The following KCNJ6 variants were observed in gnomAD, a reference collection of about 807,000 sequenced individuals.
The protein encoded by KCNJ6 is potassium inwardly rectifying channel subfamily J member 6, also known as G protein-activated inward rectifier potassium channel 2.
Under a neutral mutation model 34.2 loss-of-function variants are expected in KCNJ6, and 9 were observed. The observed-to-expected ratio is 0.26, with a 90% CI of 0.16 to 0.46. The LOEUF (loss-of-function observed/expected upper bound fraction) is 0.46. Among genes scored for constraint, KCNJ6 ranks in the 20% least tolerant of loss-of-function variants. The pLI is 1.00. For synonymous variants in KCNJ6, 196 were observed against 207.1 expected, an observed-to-expected ratio of 0.95 and a Z score of 0.46; for missense variants, 236 against 531.3, an observed-to-expected ratio of 0.44 and a Z score of 5.46.
chr21:37,846,709 T>C (rs941248059), intron 1 of KCNJ6, among the ~76,000 whole-genome samples: 2 of 152,166 alleles, frequency 1.3e-5, no homozygotes, highest in Non-Finnish European at 2.9e-5. Flanking sequence ...GTGATTTTTT[T>C]CCCAAAATAC....
chr21:37,659,344 C>G (rs1451116855), intron 3 of KCNJ6, among the ~76,000 whole-genome samples: 2 of 152,154 alleles, frequency 1.3e-5, no homozygotes. Context: ...AGGGTGAGCC[C>G]CATGTCTCAG....
chr21:37,719,328 T>G (rs1316024921), intron 2 of KCNJ6: 1 of 152,234 alleles, frequency 6.6e-6, no homozygotes. Flanking sequence ...TGACATTTCT[T>G]TCTTTCTCGG....
At chr21:37,646,039 C>T (rs1348271285) in intron 3 of KCNJ6, among the ~76,000 whole-genome samples, 2 of 152,176 alleles carry the variant, frequency 1.3e-5, no homozygotes, top group Non-Finnish European at 2.9e-5. Flanking sequence ...GAATGTGAGA[C>T]AAGCCTTCTG....
chr21:37,895,445 T>C lies in KCNJ6; in HGVS notation c.-28+20439A>G, dbSNP rs538248510. ...GAATAGAACCAGCTTTGTTTCTGGCTGAAGATGACATCCTTGCTTTAGTAA... is the reference window on the plus strand; with the variant it reads ...GAATAGAACCAGCTTTGTTTCTGGCCGAAGATGACATCCTTGCTTTAGTAA... On this transcript the variant is annotated intron_variant, in intron 1 of 3. Coordinates refer to ENST00000609713, the MANE Select transcript of KCNJ6 (RefSeq NM_002240.5). Among the ~76,000 whole-genome samples, 117 of 152,244 alleles carry C rather than the reference T, an allele frequency of 7.7e-4. 1 individual carries two copies. Among genetic ancestry groups the C allele is most frequent in the Non-Finnish European group, 1.5e-3 (105 of 68,046 alleles).
chr21:37,826,464 T>A (rs2123559242), intron 2 of KCNJ6, among the ~76,000 whole-genome samples: 1 of 152,318 alleles, frequency 6.6e-6, no homozygotes, highest in Admixed American at 6.5e-5. Context: ...TATTTCCTTA[T>A]GATAATTAAG....
chr21:37,823,469 CAT>C (rs1389826313), intron 2 of KCNJ6, among the ~76,000 whole-genome samples: 32 of 152,324 alleles, frequency 2.1e-4, no homozygotes, highest in African/African-American at 6.0e-4. Flanking sequence ...ATAATCCCCA[CAT>C]GTCAAGGGAG....
Position 37,714,261 on chromosome 21 carries a change from T to C in KCNJ6, c.896A>G (p.Lys299Arg), listed in dbSNP as rs1221424371. 3.1e-6 allele frequency: 5 copies of C among 1,614,030 alleles called. No individual in the cohort carries two copies. The highest frequency in any genetic ancestry group is 1.3e-5 in the African/African-American group (1 of 74,924). Residue 299 changes from lysine (K) to arginine (R), a missense_variant, in exon 3 of 4, where the codon AAA (lysine) becomes AGA (arginine). Physicochemically the swap from Lys to Arg is conservative, Grantham distance 26. Coordinates refer to ENST00000609713, the MANE Select transcript of KCNJ6 (RefSeq NM_002240.5). This position sits in a 1 kb window ranked among gnomAD's most constrained non-coding sequence, Gnocchi z 5.9. ...FWEISKAQLP[K>R]EELEIVVILE... ...GATGACCACAATTTCCAGTTCCTCTTTGGGCAGCTGGGCTTTGGAGATCTC... is the reference window on the plus strand; with the variant it reads ...GATGACCACAATTTCCAGTTCCTCTCTGGGCAGCTGGGCTTTGGAGATCTC...
chr21:37,908,183 C>T (rs987203174), intron 1 of KCNJ6, among the ~76,000 whole-genome samples: 4 of 152,224 alleles, frequency 2.6e-5, no homozygotes, highest in African/African-American at 9.6e-5. Flanking sequence ...TTATGGATCA[C>T]CACTCTGTTT....
intron 3 of KCNJ6, among the ~76,000 whole-genome samples, chr21:37,678,866 C>A (rs1787406): frequency 0.5 from 76,125 of 152,030 alleles, 19,090 homozygotes; most frequent in East Asian, 0.52. Flanking sequence ...GTTTAAAACA[C>A]AGGCACAAAA....
intron 1 of KCNJ6, among the ~76,000 whole-genome samples, chr21:37,848,603 T>C (rs528813714): frequency 6.6e-6 from 1 of 152,354 alleles, no homozygotes; most frequent in East Asian, 1.9e-4. Context: ...AGGGTCCTAA[T>C]ACACTGAGTT....
At chr21:37,809,029 A>G (rs1252890663) in intron 2 of KCNJ6, among the ~76,000 whole-genome samples, 2 of 152,236 alleles carry the variant, frequency 1.3e-5, no homozygotes, top group African/African-American at 2.4e-5. Flanking sequence ...TACTGGGTAT[A>G]TACCCAAAGG....
chr21:37,709,632 C>T lies in KCNJ6; in HGVS notation c.946+4579G>A, dbSNP rs147449062. Among the ~76,000 whole-genome samples, 502 of 152,274 alleles carry T rather than the reference C, an allele frequency of 3.3e-3. 1 individual carries two copies. Among genetic ancestry groups the T allele is most frequent in the African/African-American group, 0.011 (475 of 41,546 alleles). On this transcript the variant is annotated intron_variant, in intron 3 of 3. Transcript: ENST00000609713. The stretch of plus-strand genomic sequence containing the variant: ...CAAAGGGCACTGAACACAGAGTGCC[C>T]GACAACACCATTGGTGGCTGTGGCT...
Position 37,714,094 on chromosome 21 carries a change from A to T in KCNJ6, c.946+117T>A. ...GCATACTATGTCATGAAGCAAGGGGATGTTGTCAATATTGAGTGAGGTTCA... is the reference window on the plus strand; with the variant it reads ...GCATACTATGTCATGAAGCAAGGGGTTGTTGTCAATATTGAGTGAGGTTCA... On this transcript the variant is annotated intron_variant, in intron 3 of 3. Coordinates refer to ENST00000609713, the MANE Select transcript of KCNJ6 (RefSeq NM_002240.5). The surrounding 1 kb of genome is among the most constrained non-coding windows in gnomAD (Gnocchi z 5.9). 1.3e-6 allele frequency: 1 copy of T among 744,862 alleles called. No homozygotes were observed. Among genetic ancestry groups the T allele is most frequent in the Non-Finnish European group, 2.3e-6 (1 of 436,914 alleles). The allele number at this position is 744,862 out of a possible 1,614,324, so 46.1% of individuals were successfully genotyped here. A position where few individuals can be genotyped will look rare whatever the true frequency, so the allele number is the denominator to read the frequency against.
At chr21:37,832,489 C>A (rs2055431028) in intron 2 of KCNJ6, among the ~76,000 whole-genome samples, 1 of 152,122 alleles carries the variant, frequency 6.6e-6, no homozygotes, top group Non-Finnish European at 1.5e-5. Context: ...CCTGGGACCT[C>A]CGGATGAATG....
chr21:37,716,145 G>A (rs554702560), intron 2 of KCNJ6, among the ~76,000 whole-genome samples: 41 of 152,218 alleles, frequency 2.7e-4, no homozygotes, highest in Non-Finnish European at 4.6e-4. Flanking sequence ...TCTTGAACAA[G>A]CTCTTTGAAC....
At chr21:37,626,352 A>G (rs2054311123) in intron 3 of KCNJ6, among the ~76,000 whole-genome samples, 2 of 152,018 alleles carry the variant, frequency 1.3e-5, no homozygotes, top group African/African-American at 2.4e-5. Flanking sequence ...CAGGCTGTTT[A>G]TGAACTCCTG....
At chr21:37,654,308 A>C (rs3827193) in intron 3 of KCNJ6, among the ~76,000 whole-genome samples, 23,697 of 151,038 alleles carry the variant, frequency 0.16, 3,008 homozygotes, top group African/African-American at 0.35. Context: ...ACACCCACAC[A>C]CCTCAGTAGA....
intron 1 of KCNJ6, among the ~76,000 whole-genome samples, chr21:37,864,895 G>A (rs555687878): frequency 7.4e-5 from 11 of 148,132 alleles, no homozygotes; most frequent in African/African-American, 2.8e-4. Flanking sequence ...TTTTGAGACT[G>A]GGTCTTGTTG....
chr21:37,657,665 C>T (rs2054470472), intron 3 of KCNJ6, among the ~76,000 whole-genome samples: 1 of 152,172 alleles, frequency 6.6e-6, no homozygotes, highest in African/African-American at 2.4e-5. Context: ...GAGGGGTGCC[C>T]CTCACTTTCT....
Sources: allele counts gnomAD v4.1 joint callset (sites outside exome capture counted in the v4.1 genomes callset), GRCh38; gene constraint gnomAD v4.1.1; non-coding constraint Gnocchi (gnomAD v3.1); transcripts MANE v1.5; gene names NCBI Gene and HGNC (gene_info 2026-07-23, HGNC 2026-07-21).